TPRG1: variants seen among roughly 807,000 people sequenced by gnomAD.
TPRG1 encodes the protein tumor protein p63-regulated gene 1 protein.
TPRG1 carries 29 observed loss-of-function variants against 29.3 expected under a neutral mutation model. That is an observed-to-expected ratio of 0.99 (90% CI 0.74 to 1.35). The LOEUF is 1.35. Ranked by LOEUF, TPRG1 falls within the 40% of genes most tolerant of loss-of-function variation. The pLI is 0.00. For missense variants in TPRG1, 327 were observed against 335.0 expected (o/e 0.98, Z 0.19); for synonymous variants, 130 against 116.8 (o/e 1.11, Z -0.73).
intron 2 of TPRG1, among the ~76,000 whole-genome samples, chr3:189,128,548 T>A (rs1043220057): frequency 6.6e-6 from 1 of 152,152 alleles, no homozygotes; most frequent in Non-Finnish European, 1.5e-5. Flanking sequence ...GATGAAAAGG[T>A]CAAAGAGTTA....
intron 4 of TPRG1, among the ~76,000 whole-genome samples, chr3:189,296,257 A>C (rs1161863967): frequency 6.6e-6 from 1 of 152,208 alleles, no homozygotes; most frequent in Non-Finnish European, 1.5e-5. Flanking sequence ...TTCCATGCCT[A>C]ATTTCTTCAA....
At chr3:189,061,695 A>G (rs1352165261) in intron 4 of TPRG1, among the ~76,000 whole-genome samples, 1 of 152,178 alleles carries the variant, frequency 6.6e-6, no homozygotes, top group African/African-American at 2.4e-5. Flanking sequence ...AAAGCACAAT[A>G]TTACTGATCA....
chr3:189,276,346 T>C (rs1716141933), intron 4 of TPRG1, among the ~76,000 whole-genome samples: 1 of 152,042 alleles, frequency 6.6e-6, no homozygotes, highest in African/African-American at 2.4e-5. Flanking sequence ...AAAGTTAAAA[T>C]GGATAAGACT....
At chr3:189,113,162 A>G (rs918883449) in intron 1 of TPRG1, among the ~76,000 whole-genome samples, 1 of 152,080 alleles carries the variant, frequency 6.6e-6, no homozygotes, top group African/African-American at 2.4e-5. Flanking sequence ...TCCACTCATG[A>G]TTTGGCTCTC....
chr3:189,214,894 A>C (rs1191390215), intron 2 of TPRG1, among the ~76,000 whole-genome samples: 2 of 151,558 alleles, frequency 1.3e-5, no homozygotes, highest in Non-Finnish European at 2.9e-5. Flanking sequence ...TTATTGTCAG[A>C]GCATTGGAAG....
At chr3:189,289,581 C>T (rs1420252810) in intron 4 of TPRG1, among the ~76,000 whole-genome samples, 1 of 152,140 alleles carries the variant, frequency 6.6e-6, no homozygotes, top group Non-Finnish European at 1.5e-5. Flanking sequence ...TTGGTTTCTT[C>T]ACCTGTAAAA....
chr3:189,122,514 C>T (rs1721945355), intron 1 of TPRG1, among the ~76,000 whole-genome samples: 1 of 152,042 alleles, frequency 6.6e-6, no homozygotes, highest in African/African-American at 2.4e-5. Context: ...GCATTTTTTT[C>T]CTAGAAGAGT....
chr3:189,017,578 C>T (rs1578196047), intron 3 of TPRG1, among the ~76,000 whole-genome samples: 1 of 152,172 alleles, frequency 6.6e-6, no homozygotes, highest in African/African-American at 2.4e-5. Flanking sequence ...TTTATGGCTG[C>T]ATAGTATTCC....
At chr3:189,049,637 A>G (rs1715189833) in intron 4 of TPRG1, among the ~76,000 whole-genome samples, 1 of 152,112 alleles carries the variant, frequency 6.6e-6, no homozygotes. Flanking sequence ...TCCTCTCCAC[A>G]CTACTACAGC....
At position 189,321,068 on chromosome 3, in the gene TPRG1, T is replaced by TATCATTTGATATCAATGA. The variant is rs1291882475; in HGVS notation, c.*248_*249insATCATTTGATATCAATGA. 3.1e-6 allele frequency: 1 copy of TATCATTTGATATCAATGA among 326,644 alleles called. No individual in the cohort carries two copies. The highest frequency in any genetic ancestry group is 4.8e-5 in the Admixed American group (1 of 20,644). The allele number at this position is 326,644 out of a possible 1,614,324, so 20.2% of individuals were successfully genotyped here. ...AAATGCTGCTGAGCCTATCAAATAC[T>TATCATTTGATATCAATGA]GTTATCAAATGAGTGCCTGATCATC... On this transcript the variant is annotated 3_prime_UTR_variant, in exon 6 of 6. Coordinates refer to ENST00000345063, the MANE Select transcript of TPRG1 (RefSeq NM_198485.4).
chr3:189,088,769 G>A (rs1437492736), intron 4 of TPRG1, among the ~76,000 whole-genome samples: 1 of 152,058 alleles, frequency 6.6e-6, no homozygotes, highest in African/African-American at 2.4e-5. Context: ...CTCAAGTAGT[G>A]AAAAAAGGTT....
At chr3:189,173,307 G>C (rs1729052448) in intron 1 of TPRG1, among the ~76,000 whole-genome samples, 1 of 150,620 alleles carries the variant, frequency 6.6e-6, no homozygotes, top group African/African-American at 2.4e-5. Flanking sequence ...ATCTTTGGCA[G>C]ACTTCTATAT....
intron 5 of TPRG1, among the ~76,000 whole-genome samples, chr3:189,151,909 C>T (rs1725989045): frequency 6.6e-6 from 1 of 152,118 alleles, no homozygotes; most frequent in Admixed American, 6.6e-5. Context: ...ACTTGATCCT[C>T]CATTATATGT....
chr3:189,318,851 G>T (rs1184237440), intron 5 of TPRG1, among the ~76,000 whole-genome samples: 1 of 152,040 alleles, frequency 6.6e-6, no homozygotes, highest in Non-Finnish European at 1.5e-5. Flanking sequence ...TGCAAATGAG[G>T]AACATGAATT....
upstream of TPRG1, among the ~76,000 whole-genome samples, chr3:189,169,000 C>G (rs1728485329): frequency 6.6e-6 from 1 of 152,172 alleles, no homozygotes; most frequent in African/African-American, 2.4e-5. Flanking sequence ...AGGGAGGAGA[C>G]TAGCTTGTGT....
rs148695591 is a variant in TPRG1 at position 189,145,229 on chromosome 3, G to A, written c.-290-2355G>A. 2.9e-3 allele frequency among the ~76,000 whole-genome samples: 437 copies of A among 152,078 alleles called. 2 individuals are homozygous for A. Among genetic ancestry groups the A allele is most frequent in the African/African-American group, 9.2e-3 (381 of 41,494 alleles). On this transcript the variant is annotated intron_variant, in intron 3 of 6. Coordinates refer to the TPRG1 transcript ENST00000412373. ...ATACAAAAATTAACTGGGCGTGGTG[G>A]CAGGCGCCTGTAATCCCAGCTACTC... is the stretch of plus-strand genomic sequence containing the variant.
chr3:189,012,966 G>T (rs1270962132), intron 3 of TPRG1, among the ~76,000 whole-genome samples: 1 of 151,880 alleles, frequency 6.6e-6, no homozygotes, highest in Admixed American at 6.6e-5. Flanking sequence ...TTTCTTGAAG[G>T]ATTTTTCATA....
At chr3:189,135,160 C>T (rs538241888) in intron 3 of TPRG1, among the ~76,000 whole-genome samples, 1 of 152,290 alleles carries the variant, frequency 6.6e-6, no homozygotes, top group African/African-American at 2.4e-5. Flanking sequence ...TGGCCATCTA[C>T]ACTCTTCAGC....
chr3:189,027,487 A>G (rs888893036), intron 4 of TPRG1, among the ~76,000 whole-genome samples: 1 of 152,262 alleles, frequency 6.6e-6, no homozygotes, highest in African/African-American at 2.4e-5. Context: ...CCAAAACACC[A>G]TAAAGTCTAT....
Sources: allele counts gnomAD v4.1 joint callset (sites outside exome capture counted in the v4.1 genomes callset), GRCh38; gene constraint gnomAD v4.1.1; transcripts MANE v1.5; gene names NCBI Gene and HGNC (gene_info 2026-07-23, HGNC 2026-07-21).